CDC42SE2: variants seen among roughly 807,000 people sequenced by gnomAD.
CDC42SE2 encodes the protein CDC42 small effector 2.
Under a neutral mutation model 11.5 loss-of-function variants are expected in CDC42SE2, and 3 were observed. The ratio of observed to expected loss-of-function variants is 0.26; its 90% CI spans 0.12 to 0.67. The LOEUF (loss-of-function observed/expected upper bound fraction) is 0.67. Among genes scored for constraint, CDC42SE2 ranks in the 30% least tolerant of loss-of-function variants. CDC42SE2 has a pLI of 0.80. For missense variants in CDC42SE2, 82 were observed against 106.8 expected (o/e 0.77, Z 1.02); for synonymous variants, 33 against 34.8 (o/e 0.95, Z 0.18).
intron 2 of CDC42SE2, among the ~76,000 whole-genome samples, chr5:131,343,510 C>G (rs1237988315): frequency 6.6e-6 from 1 of 151,996 alleles, no homozygotes; most frequent in African/African-American, 2.4e-5. Context: ...GTCAGGAGTT[C>G]AAGACCAGCC....
At chr5:131,235,862 G>A in the CDC42SE2 span, among the ~76,000 whole-genome samples, 2 of 152,166 alleles carry the variant, frequency 1.3e-5, no homozygotes, top group Non-Finnish European at 1.5e-5. Context: ...CCAAAGTGCT[G>A]GGATTACAGG....
At chr5:131,285,504 A>G (rs998069329) in intron 1 of CDC42SE2, among the ~76,000 whole-genome samples, 2 of 152,244 alleles carry the variant, frequency 1.3e-5, no homozygotes, top group Non-Finnish European at 2.9e-5. Context: ...TCAATTTATA[A>G]TAGCAGTGTA....
intron 3 of CDC42SE2, among the ~76,000 whole-genome samples, chr5:131,361,440 G>A (rs1417303171): frequency 2.0e-5 from 3 of 152,170 alleles, no homozygotes; most frequent in Admixed American, 6.5e-5. Flanking sequence ...TCAGTGCCCT[G>A]CTGCTCAAAC....
chr5:131,338,065 C>G (rs1048153506), intron 2 of CDC42SE2, among the ~76,000 whole-genome samples: 2 of 152,218 alleles, frequency 1.3e-5, no homozygotes, highest in Admixed American at 6.5e-5. Context: ...GAGTTGCAGA[C>G]TGGAGCTGTT....
intron 2 of CDC42SE2, among the ~76,000 whole-genome samples, chr5:131,327,691 C>A (rs552507446): frequency 2.0e-4 from 30 of 152,200 alleles, no homozygotes; most frequent in African/African-American, 5.8e-4. Flanking sequence ...AACACACAAA[C>A]CAAACTGGTA....
intron 2 of CDC42SE2, among the ~76,000 whole-genome samples, chr5:131,318,019 G>A (rs1465345916): frequency 6.6e-6 from 1 of 152,066 alleles, no homozygotes; most frequent in Non-Finnish European, 1.5e-5. Flanking sequence ...AAGATGCCAG[G>A]AACCTCTGCC....
intron 1 of CDC42SE2, among the ~76,000 whole-genome samples, chr5:131,311,588 C>T (rs186915608): frequency 0.015 from 2,228 of 152,252 alleles, 30 homozygotes; most frequent in Non-Finnish European, 0.023. Flanking sequence ...ACCAATCAGA[C>T]GTAGATTTGG....
chr5:131,215,888 T>G, the CDC42SE2 span, among the ~76,000 whole-genome samples: 4 of 152,206 alleles, frequency 2.6e-5, 1 homozygote, highest in Admixed American at 2.0e-4. Context: ...CTTTAAACTG[T>G]CTTTTAAAAA....
the CDC42SE2 span, among the ~76,000 whole-genome samples, chr5:131,220,961 T>C: frequency 6.7e-6 from 1 of 148,568 alleles, no homozygotes; most frequent in Non-Finnish European, 1.5e-5. Flanking sequence ...CTTGGCTCAC[T>C]GCAGCCTCCA....
At chr5:131,225,743 T>C in the CDC42SE2 span, among the ~76,000 whole-genome samples, 2 of 152,072 alleles carry the variant, frequency 1.3e-5, no homozygotes, top group African/African-American at 4.8e-5. Context: ...CTACTATCTC[T>C]CATTGTTTCT....
chr5:131,341,840 A>C (rs1010108320), intron 2 of CDC42SE2, among the ~76,000 whole-genome samples: 1 of 151,982 alleles, frequency 6.6e-6, no homozygotes, highest in Non-Finnish European at 1.5e-5. Flanking sequence ...GGTTGCAGTG[A>C]GCTGAGATTG....
chr5:131,263,526 T>C (rs1756776367), upstream of CDC42SE2: 1 of 152,236 alleles, frequency 6.6e-6, no homozygotes, highest in Admixed American at 6.5e-5. Flanking sequence ...AACCAGTTAA[T>C]GACTGATTGA....
chr5:131,271,683 GC>G (rs775265004), intron 1 of CDC42SE2, among the ~76,000 whole-genome samples: 86 of 152,250 alleles, frequency 5.6e-4, no homozygotes, highest in Admixed American at 1.4e-3. Flanking sequence ...ATCCATTGCT[GC>G]CATCACCTCT....
At chr5:131,314,302 G>C (rs1227829167) in intron 1 of CDC42SE2, among the ~76,000 whole-genome samples, 3 of 150,014 alleles carry the variant, frequency 2.0e-5, no homozygotes, top group Admixed American at 6.7e-5. Flanking sequence ...CACAATCATA[G>C]CTCACTGTAA....
At chr5:131,348,839 A>G (rs1758923940) in intron 2 of CDC42SE2, among the ~76,000 whole-genome samples, 1 of 152,156 alleles carries the variant, frequency 6.6e-6, no homozygotes, top group Admixed American at 6.5e-5. Flanking sequence ...AATACCACAC[A>G]TCTACACCCA....
intron 1 of CDC42SE2, among the ~76,000 whole-genome samples, chr5:131,286,952 T>C (rs956261063): frequency 6.6e-6 from 1 of 152,088 alleles, no homozygotes; most frequent in Admixed American, 6.6e-5. Context: ...GGGACCATAA[T>C]CCCTGTGTAG....
Position 131,393,180 on chromosome 5 carries a change from T to TAAA in CDC42SE2, c.*2092_*2094dup, listed in dbSNP as rs944114898. Reference sequence around the variant, plus strand: ...TTTCATATAACAAATGGGGCTTAATTAAAAACTTTAACTTGGAATAAAGGA... The same window carrying TAAA: ...TTTCATATAACAAATGGGGCTTAATTAAAAAAAACTTTAACTTGGAATAAAGGA... On this transcript the variant is annotated 3_prime_UTR_variant, in exon 5 of 5. Coordinates refer to ENST00000505065, the MANE Select transcript of CDC42SE2 (RefSeq NM_001375635.1). 3 of 152,364 alleles carry TAAA rather than the reference T, an allele frequency of 2.0e-5. No homozygotes were observed. Among genetic ancestry groups the TAAA allele is most frequent in the African/African-American group, 7.2e-5 (3 of 41,456 alleles). 9.4% of individuals were successfully genotyped at this position (152,364 alleles called of 1,614,324 possible). A position where few individuals can be genotyped will look rare whatever the true frequency, so the allele number is the denominator to read the frequency against.
chr5:131,381,697 CAT>C (rs1449407459), intron 3 of CDC42SE2, among the ~76,000 whole-genome samples: 2 of 152,236 alleles, frequency 1.3e-5, no homozygotes, highest in African/African-American at 4.8e-5. Context: ...GTTGAATCCA[CAT>C]AATCCCTTTT....
intron 1 of CDC42SE2, among the ~76,000 whole-genome samples, chr5:131,299,713 G>A (rs1757642206): frequency 6.6e-6 from 1 of 152,204 alleles, no homozygotes; most frequent in Admixed American, 6.5e-5. Flanking sequence ...GGCTGGAAAT[G>A]TAGATTTGGC....
Sources: gnomAD v4.1 joint callset for allele counts (sites outside exome capture counted in the v4.1 genomes callset) on GRCh38, gnomAD v4.1.1 for gene constraint, MANE v1.5 for transcripts, NCBI Gene and HGNC (gene_info 2026-07-23, HGNC 2026-07-21) for gene names.